FEM1C: variants seen among roughly 807,000 people sequenced by gnomAD.
FEM1C encodes protein fem-1 homolog C.
A neutral mutation model predicts 37.6 loss-of-function variants in FEM1C; 15 were observed. The ratio of observed to expected loss-of-function variants is 0.40; its 90% CI spans 0.27 to 0.61. The LOEUF is 0.61. FEM1C is among the 20% of genes least tolerant of loss of function. The probability of loss-of-function intolerance (pLI) is 0.42; values close to 1 mark genes in which losing one functional copy is unlikely to be tolerated. For missense variants in FEM1C, 532 were observed against 749.7 expected (o/e 0.71, Z 3.39); for synonymous variants, 287 against 272.8 (o/e 1.05, Z -0.51).
chr5:115,543,083 T>G lies in FEM1C; in HGVS notation c.411A>C (p.Glu137Asp), dbSNP rs746489902. Residue 137 changes from glutamate to aspartate, a missense_variant, in exon 2 of 3, where the codon GAA becomes GAC. Physicochemically the swap from Glu to Asp is conservative, Grantham distance 45. Transcript: ENST00000274457. Reference protein sequence around the residue: ...GHLEIVKYLVEHKADLEVSNR... With the variant: ...GHLEIVKYLVDHKADLEVSNR... ...TTGACACTTCCAAATCAGCTTTGTG[T>G]TCTACAAGGTACTTCACTATTTCCA... 2 of 1,614,246 alleles carry G rather than the reference T, an allele frequency of 1.2e-6. No individual in the cohort carries two copies. The highest frequency in any genetic ancestry group is 4.5e-5 in the East Asian group (2 of 44,894).
chr5:115,525,647 C>G (rs750957427), intron 2 of FEM1C, 30 bp from the exon 3 acceptor site: 1 of 1,566,298 alleles, frequency 6.4e-7, no homozygotes, highest in African/African-American at 1.4e-5. Context: ...AAAGAAATAA[C>G]ATACATTGAG....
At position 115,525,286 on chromosome 5, in the gene FEM1C, T is replaced by A. The variant is rs140001534; in HGVS notation, c.876A>T (p.Leu292=). Residue 292 remains leucine (L), a synonymous_variant, in exon 3 of 3, where the codon CTA becomes CTT. Coordinates refer to ENST00000274457, the MANE Select transcript of FEM1C (RefSeq NM_020177.3). The part of the protein sequence containing the change: ...NIISKPVPQT[L]IMAYDYAKEV... ...CCTTGGCATAATCATAAGCCATTAT[T>A]AGTGTCTGTGGCACTGGTTTACTAA... The A allele has an allele frequency of 6.2e-7, 1 of 1,613,782 alleles. No homozygotes were observed. The highest frequency in any genetic ancestry group is 8.5e-7 in the Non-Finnish European group (1 of 1,179,828).
chr5:115,525,186 T>G lies in FEM1C; in HGVS notation c.976A>C (p.Arg326=), dbSNP rs150659799. 379 of 1,613,434 alleles carry G rather than the reference T, an allele frequency of 2.3e-4. No individual in the cohort carries two copies. The highest frequency in any genetic ancestry group is 3.1e-4 in the Non-Finnish European group (368 of 1,179,802). The change falls in exon 3 of 3, where the codon AGA becomes CGA. Residue 326 remains arginine, a synonymous_variant. Coordinates refer to ENST00000274457, the MANE Select transcript of FEM1C (RefSeq NM_020177.3). Reference sequence around the variant, plus strand: ...TGAGAAGGACCAAGAATACGTTCTCTGATTAATAGTGCCTGCATTCTCATC... The same window carrying G: ...TGAGAAGGACCAAGAATACGTTCTCGGATTAATAGTGCCTGCATTCTCATC... ...DEMRMQALLI[R]ERILGPSHPD...
chr5:115,528,222 A>C (rs1453807680), intron 2 of FEM1C, among the ~76,000 whole-genome samples: 2 of 152,106 alleles, frequency 1.3e-5, no homozygotes, highest in Non-Finnish European at 2.9e-5. Flanking sequence ...AAAACTGAAA[A>C]ATTTATTTTT....
rs1754323583 is a variant in FEM1C at position 115,544,772 on chromosome 5, G to A, written c.-440C>T. The stretch of plus-strand genomic sequence containing the variant: ...GCTGCAGCGACTGCTGCGACGGATG[G>A]TGTAATGGGCTGCGAGCCGGGGGCC... On this transcript the variant is annotated 5_prime_UTR_variant, in exon 1 of 3. Transcript: ENST00000274457. The A allele has an allele frequency of 6.6e-6, 1 of 152,568 alleles. No individual in the cohort carries two copies. Among genetic ancestry groups the A allele is most frequent in the Non-Finnish European group, 1.5e-5 (1 of 68,302 alleles). The allele number at this position is 152,568 out of a possible 1,614,324, so 9.5% of individuals were successfully genotyped here. A position where few individuals can be genotyped will look rare whatever the true frequency, so the allele number is the denominator to read the frequency against.
rs887473325 is a variant in FEM1C at position 115,522,473 on chromosome 5, T to A, written c.*1835A>T. The A allele has an allele frequency of 6.6e-6, 1 of 151,962 alleles. No homozygotes were observed. 9.4% of individuals were successfully genotyped at this position (151,962 alleles called of 1,614,324 possible). A position where few individuals can be genotyped will look rare whatever the true frequency, so the allele number is the denominator to read the frequency against. ...TTATATCCAATTTACCTTTTCTTAA[T>A]GGTGAAATCAAATTTACAACCTAGC... On this transcript the variant is annotated 3_prime_UTR_variant, in exon 3 of 3. Coordinates refer to ENST00000274457, the MANE Select transcript of FEM1C (RefSeq NM_020177.3).
rs1343312550 is a variant in FEM1C at position 115,520,953 on chromosome 5, G to GC, written c.*3354dup. On this transcript the variant is annotated 3_prime_UTR_variant, in exon 3 of 3. Coordinates refer to ENST00000274457, the MANE Select transcript of FEM1C (RefSeq NM_020177.3). ...ATTAAACCTTACAATGAATGTTGTGGCATATGATTTTCCATTGTGTGACAA... is the reference window on the plus strand; with the variant it reads ...ATTAAACCTTACAATGAATGTTGTGGCCATATGATTTTCCATTGTGTGACAA... 1 of 151,726 alleles carries GC rather than the reference G, an allele frequency of 6.6e-6. No individual in the cohort carries two copies. Among genetic ancestry groups the GC allele is most frequent in the Admixed American group, 6.6e-5 (1 of 15,142 alleles). The allele number at this position is 151,726 out of a possible 1,614,324, so 9.4% of individuals were successfully genotyped here.
In FEM1C at chr5:115,522,314, C is replaced by T. The variant is rs77143128; in HGVS notation, c.*1994G>A. On this transcript the variant is annotated 3_prime_UTR_variant, in exon 3 of 3. Transcript: ENST00000274457. ...GAGGCAGATGATTTCAAGATACTGACATTTGATATTTCTAGAATATTGGTC... is the reference window on the plus strand; with the variant it reads ...GAGGCAGATGATTTCAAGATACTGATATTTGATATTTCTAGAATATTGGTC... 3.0e-4 allele frequency: 45 copies of T among 152,004 alleles called. No homozygotes were observed. The East Asian group carries it at 7.5e-3, about 25-fold the overall frequency. 9.4% of individuals were successfully genotyped at this position (152,004 alleles called of 1,614,324 possible). A position where few individuals can be genotyped will look rare whatever the true frequency, so the allele number is the denominator to read the frequency against.
chr5:115,535,388 A>G (rs1259030162), intron 2 of FEM1C, among the ~76,000 whole-genome samples: 4 of 151,912 alleles, frequency 2.6e-5, no homozygotes, highest in Non-Finnish European at 5.9e-5. Context: ...CAGTTCAGTA[A>G]TACAAAGATA....
Position 115,543,208 on chromosome 5 carries a change from G to T in FEM1C, c.286C>A (p.Leu96Met). ...PLWAASAAGH[L>M]KVVQSLLNHG... ...TTTAACAAGGACTGGACCACCTTCA[G>T]ATGTCCTGCTGCAGAAGCGGCCCAT... The change falls in exon 2 of 3, where the codon CTG (leucine) becomes ATG (methionine). Residue 96 changes from leucine to methionine, a missense_variant. Leu to Met is a conservative substitution (Grantham distance 15). This residue lies in a region of FEM1C where 221 missense variants were observed against 404.1 expected (regional missense o/e 0.55). Transcript: ENST00000274457. The T allele has an allele frequency of 6.2e-7, 1 of 1,614,218 alleles. No homozygotes were observed. Among genetic ancestry groups the T allele is most frequent in the Non-Finnish European group, 8.5e-7 (1 of 1,180,038 alleles).
At chr5:115,528,133 A>C (rs1013341567) in intron 2 of FEM1C, among the ~76,000 whole-genome samples, 1 of 152,138 alleles carries the variant, frequency 6.6e-6, no homozygotes, top group Non-Finnish European at 1.5e-5. Context: ...CTTTAAAAAA[A>C]CAAACAATAA....
At position 115,542,950 on chromosome 5, in the gene FEM1C, C is replaced by CT; in HGVS notation, c.543dup (p.Gly182ArgfsTer2). ...AGAAAAACAAAGAAGCTGAACTCAC[C>CT]TTTGACACTTTTTCTATTAACATCT... On this transcript the variant is annotated frameshift_variant and splice_region_variant, in exon 2 of 3. Coordinates refer to ENST00000274457, the MANE Select transcript of FEM1C (RefSeq NM_020177.3). LOFTEE classifies it high-confidence loss of function. 1 of 1,609,360 alleles carries CT rather than the reference C, an allele frequency of 6.2e-7. No homozygotes were observed. The highest frequency in any genetic ancestry group is 8.5e-7 in the Non-Finnish European group (1 of 1,177,148).
intron 2 of FEM1C, among the ~76,000 whole-genome samples, chr5:115,539,835 A>T (rs1174436172): frequency 6.6e-6 from 1 of 152,076 alleles, no homozygotes; most frequent in Non-Finnish European, 1.5e-5. Flanking sequence ...CAATTAGTGA[A>T]TTCCACCTTA....
chr5:115,544,293 C>T (rs941541414), intron 1 of FEM1C, among the ~76,000 whole-genome samples: 3 of 148,948 alleles, frequency 2.0e-5, no homozygotes, highest in African/African-American at 7.4e-5. Context: ...TCCGCAGGTT[C>T]CTCAAACCAC....
intron 2 of FEM1C, among the ~76,000 whole-genome samples, chr5:115,536,987 A>C (rs1754142399): frequency 6.6e-6 from 1 of 152,030 alleles, no homozygotes; most frequent in Admixed American, 6.6e-5. Context: ...GCAACTAATT[A>C]TGTGTAAAAA....
chr5:115,530,833 A>G (rs933269043), intron 2 of FEM1C, among the ~76,000 whole-genome samples: 13 of 152,134 alleles, frequency 8.5e-5, no homozygotes, highest in Admixed American at 2.6e-4. Context: ...AAAAAGCACT[A>G]AATAATAAAT....
chr5:115,537,335 T>C (rs1267301390), intron 2 of FEM1C, among the ~76,000 whole-genome samples: 1 of 152,044 alleles, frequency 6.6e-6, no homozygotes, highest in East Asian at 1.9e-4. Flanking sequence ...CGAAGGCCAG[T>C]AAGTGAAACG....
rs556824466 is a variant in FEM1C, at chr5:115,535,334, A to AT, written c.544+7615dup. Among the ~76,000 whole-genome samples, 15 of 151,626 alleles carry AT rather than the reference A, an allele frequency of 9.9e-5. No homozygotes were observed. The East Asian group carries it at 2.7e-3, about 27-fold the overall frequency. ...ATGAGAGAAAATATTTGCAAATGAT[A>AT]TATCTGATAAAAGACATACATAAGA... On this transcript the variant is annotated intron_variant, in intron 2 of 2. Transcript: ENST00000274457.
At chr5:115,543,818 C>G (rs1309069457) in intron 1 of FEM1C, 135 bp from the exon 2 acceptor site, 1 of 1,066,020 alleles carries the variant, frequency 9.4e-7, no homozygotes, top group East Asian at 7.3e-5. Context: ...CACACCCCCC[C>G]CACCCCCAAA....
Sources: gnomAD v4.1 joint callset for allele counts (sites outside exome capture counted in the v4.1 genomes callset) on GRCh38, gnomAD v4.1.1 for gene constraint, gnomAD v4.1.1 regional missense constraint, MANE v1.5 for transcripts, NCBI Gene and HGNC (gene_info 2026-07-23, HGNC 2026-07-21) for gene names.